MAGI1: variants seen among roughly 807,000 people sequenced by gnomAD.
MAGI1 encodes the protein membrane-associated guanylate kinase, WW and PDZ domain-containing protein 1.
Under a neutral mutation model 139.9 loss-of-function variants are expected in MAGI1, and 58 were observed. The ratio of observed to expected loss-of-function variants is 0.41; its 90% CI spans 0.34 to 0.52. The LOEUF is 0.52. Among genes scored for constraint, MAGI1 ranks in the 20% least tolerant of loss-of-function variants. The probability of loss-of-function intolerance (pLI) is 0.12; values close to 1 mark genes in which losing one functional copy is unlikely to be tolerated. For missense variants in MAGI1, 1,874 were observed against 1,901.6 expected (o/e 0.99, Z 0.27); for synonymous variants, 812 against 737.9 (o/e 1.10, Z -1.63).
intron 2 of MAGI1, among the ~76,000 whole-genome samples, chr3:65,606,514 ATTTAT>A (rs2082750334): frequency 6.8e-6 from 1 of 146,644 alleles, no homozygotes; most frequent in Non-Finnish European, 1.5e-5. Context: ...ATGTTTATTT[ATTTAT>A]TTGTTTGTTT....
chr3:65,546,017 C>G (rs888838022), intron 2 of MAGI1, among the ~76,000 whole-genome samples: 1 of 151,624 alleles, frequency 6.6e-6, no homozygotes, highest in Non-Finnish European at 1.5e-5. Flanking sequence ...CACACACACT[C>G]TCAAACTACA....
intron 1 of MAGI1, among the ~76,000 whole-genome samples, chr3:65,955,158 G>A (rs139789136): frequency 0.013 from 1,964 of 152,252 alleles, 21 homozygotes; most frequent in Non-Finnish European, 0.02. Flanking sequence ...GAGACAGGGA[G>A]GAGGGGGGAA....
At chr3:65,435,312 C>A (rs902654556) in intron 10 of MAGI1, among the ~76,000 whole-genome samples, 1 of 151,850 alleles carries the variant, frequency 6.6e-6, no homozygotes, top group Non-Finnish European at 1.5e-5. Context: ...AAGTAAGAAT[C>A]TGAGATGAAG....
At chr3:65,966,008 G>A (rs756204595) in intron 1 of MAGI1, among the ~76,000 whole-genome samples, 9 of 152,102 alleles carry the variant, frequency 5.9e-5, no homozygotes, top group Admixed American at 3.9e-4. Flanking sequence ...GATAGAAGAC[G>A]GTATCAATGC....
intron 1 of MAGI1, among the ~76,000 whole-genome samples, chr3:65,655,139 G>A (rs571301123): frequency 6.6e-6 from 1 of 152,138 alleles, no homozygotes; most frequent in Non-Finnish European, 1.5e-5. Context: ...AAGCAGGGTA[G>A]AGTGGAGCGG....
At chr3:65,867,713 A>G (rs1700866602) in intron 1 of MAGI1, among the ~76,000 whole-genome samples, 2 of 152,112 alleles carry the variant, frequency 1.3e-5, no homozygotes, top group African/African-American at 4.8e-5. Context: ...TGATCTCACC[A>G]CTGCACTCCA....
In MAGI1 at chr3:65,546,704, T is replaced by C. The variant is rs569972885; in HGVS notation, c.431-53073A>G. 3.9e-5 allele frequency among the ~76,000 whole-genome samples: 6 copies of C among 152,340 alleles called. No individual in the cohort carries two copies. In the South Asian group the frequency reaches 1.2e-3, roughly 32 times the overall value. On this transcript the variant is annotated intron_variant, in intron 2 of 22. Transcript: ENST00000402939. Reference sequence around the variant, plus strand: ...AGTTTTTAACAGCCTATGAAGAAAGTAAATGTCATAGTCAATCCATTTTTT... The same window carrying C: ...AGTTTTTAACAGCCTATGAAGAAAGCAAATGTCATAGTCAATCCATTTTTT...
At chr3:65,882,326 G>A (rs983925142) in intron 1 of MAGI1, among the ~76,000 whole-genome samples, 1 of 152,148 alleles carries the variant, frequency 6.6e-6, no homozygotes, top group Admixed American at 6.5e-5. Context: ...TGAAGAAATC[G>A]CCTTAGGAAG....
chr3:65,453,282 G>C lies in MAGI1; in HGVS notation c.1018C>G (p.Pro340Ala), dbSNP rs762879969. Residue 340 changes from proline (P) to alanine (A), a missense_variant, in exon 6 of 23, where the codon CCA (proline) becomes GCA (alanine). Transcript: ENST00000402939. ...DPRCLNKQQKPLEECEDDEGV... is the reference protein window; with the variant it reads ...DPRCLNKQQKALEECEDDEGV... ...CCATCATCTTCACACTCTTCCAGTG[G>C]CTTCTGCTGCTTGTTTAGGCACCGA... 6.2e-7 allele frequency: 1 copy of C among 1,613,062 alleles called. No individual in the cohort carries two copies. The highest frequency in any genetic ancestry group is 8.5e-7 in the Non-Finnish European group (1 of 1,179,912).
intron 1 of MAGI1, among the ~76,000 whole-genome samples, chr3:65,709,014 T>A (rs2107641545): frequency 6.6e-6 from 1 of 152,186 alleles, no homozygotes; most frequent in Admixed American, 6.5e-5. Context: ...TTTATAAGGG[T>A]TCTAATTTAC....
chr3:65,853,009 C>G (rs1461937005), intron 1 of MAGI1, among the ~76,000 whole-genome samples: 1 of 149,990 alleles, frequency 6.7e-6, no homozygotes, highest in Non-Finnish European at 1.5e-5. Context: ...ATTAGCCGGG[C>G]ATGGTGGCAC....
chr3:66,029,344 G>A lies in MAGI1; in HGVS notation c.313+8652C>T, dbSNP rs370840330. On this transcript the variant is annotated intron_variant, in intron 1 of 22. Transcript: ENST00000402939. The stretch of plus-strand genomic sequence containing the variant: ...TGCCCCTGTCCATAAAGAGAGCCTC[G>A]AGTCTTGTCTCATAAAGGAGTAAAG... 4.9e-4 allele frequency among the ~76,000 whole-genome samples: 74 copies of A among 152,204 alleles called. No individual in the cohort carries two copies. In the East Asian group the frequency reaches 6.9e-3, roughly 14 times the overall value.
chr3:66,019,838 T>C (rs1460727898), intron 1 of MAGI1, among the ~76,000 whole-genome samples: 1 of 152,196 alleles, frequency 6.6e-6, no homozygotes, highest in Non-Finnish European at 1.5e-5. Flanking sequence ...TGGAGGTAGC[T>C]GTCAGAAGTG....
At chr3:65,477,717 T>TATTATTA (rs370763213) in intron 4 of MAGI1, among the ~76,000 whole-genome samples, 18,405 of 124,132 alleles carry the variant, frequency 0.15, 1,381 homozygotes, top group South Asian at 0.24. Flanking sequence ...TATTATTTTT[T>TATTATTA]TTTTTTTATT....
intron 1 of MAGI1, among the ~76,000 whole-genome samples, chr3:65,933,862 A>G (rs2062920948): frequency 6.6e-6 from 1 of 152,200 alleles, no homozygotes; most frequent in Admixed American, 6.5e-5. Context: ...GCGGGGGCTC[A>G]TGCCTATAAT....
intron 17 of MAGI1, among the ~76,000 whole-genome samples, chr3:65,376,547 A>T (rs1418007145): frequency 6.6e-6 from 1 of 152,216 alleles, no homozygotes; most frequent in Non-Finnish European, 1.5e-5. Context: ...CTTTAGAAAA[A>T]GGGTGTAATT....
chr3:65,959,907 A>C (rs969535649), intron 1 of MAGI1, among the ~76,000 whole-genome samples: 1 of 136,416 alleles, frequency 7.3e-6, no homozygotes, highest in Middle Eastern at 4.3e-3. Context: ...CCGGGTTCAC[A>C]CCATTCTCCT....
chr3:65,504,993 T>C (rs2077224508), intron 2 of MAGI1, among the ~76,000 whole-genome samples: 1 of 152,214 alleles, frequency 6.6e-6, no homozygotes, highest in Admixed American at 6.5e-5. Context: ...ATAAGAATCT[T>C]CAGCATTAGA....
chr3:65,470,021 G>A (rs1950460488), intron 5 of MAGI1: 1 of 176,258 alleles, frequency 5.7e-6, no homozygotes, highest in South Asian at 1.9e-4. Flanking sequence ...TGAATATTAT[G>A]TCATAATTTC....
Sources: gnomAD v4.1 joint callset for allele counts (sites outside exome capture counted in the v4.1 genomes callset) on GRCh38, gnomAD v4.1.1 for gene constraint, MANE v1.5 for transcripts, NCBI Gene and HGNC (gene_info 2026-07-23, HGNC 2026-07-21) for gene names.